Variants in MROH7 observed in about 807,000 individuals in gnomAD.
MROH7 encodes maestro heat like repeat family member 7.
In MROH7, 113 loss-of-function variants were observed where a neutral mutation model predicts 129.2. That is an observed-to-expected ratio of 0.87 (90% CI 0.75 to 1.02). MROH7 has a LOEUF of 1.02. MROH7 is among the 50% of genes least tolerant of loss of function. The pLI, the probability that MROH7 is intolerant of heterozygous loss-of-function variation, is 0.00. For synonymous variants in MROH7, 655 were observed against 667.9 expected, an observed-to-expected ratio of 0.98 and a Z score of 0.30; for missense variants, 1,601 against 1,671.3, an observed-to-expected ratio of 0.96 and a Z score of 0.73.
At chr1:54,646,522 C>T (rs1274602690) in intron 1 of MROH7, among the ~76,000 whole-genome samples, 2 of 152,176 alleles carry the variant, frequency 1.3e-5, no homozygotes. Flanking sequence ...TCACTGCCTT[C>T]TTTCCAGCCA....
intron 1 of MROH7, among the ~76,000 whole-genome samples, chr1:54,644,640 G>C (rs1644435761): frequency 6.6e-6 from 1 of 150,896 alleles, no homozygotes; most frequent in Non-Finnish European, 1.5e-5. Context: ...ACTGTGCCTG[G>C]CCGATTTTTC....
intron 15 of MROH7, among the ~76,000 whole-genome samples, chr1:54,691,802 A>AGTGTGTGTGTGTGTG (rs1379637571): frequency 1.1e-5 from 1 of 90,768 alleles, no homozygotes; most frequent in East Asian, 6.0e-4. Flanking sequence ...AAAAAAAAAA[A>AGTGTGTGTGTGTGTG]AGTGTGTGTG....
chr1:54,695,631 CTTG>C (rs1458160808), intron 17 of MROH7, 141 bp downstream of exon 17: 6 of 711,464 alleles, frequency 8.4e-6, no homozygotes, highest in African/African-American at 1.7e-5. Flanking sequence ...CTATGATGAT[CTTG>C]TTGGTCTCCC....
chr1:54,668,785 T>C (rs1239302853), intron 4 of MROH7, 69 bp from the exon 5 acceptor site: 19 of 1,251,024 alleles, frequency 1.5e-5, no homozygotes, highest in Admixed American at 5.2e-5. Context: ...CAGTGCTGTA[T>C]GGGCAACCCC....
chr1:54,644,530 A>G (rs1422764701), intron 1 of MROH7, among the ~76,000 whole-genome samples: 2 of 152,012 alleles, frequency 1.3e-5, no homozygotes, highest in Non-Finnish European at 2.9e-5. Context: ...TTTAGTAGAG[A>G]TAGGGTTTCA....
In MROH7 at chr1:54,653,850, C is replaced by T; in HGVS notation, c.924C>T (p.Ile308=). The T allele has an allele frequency of 6.2e-7, 1 of 1,614,152 alleles. No homozygotes were observed. Among genetic ancestry groups the T allele is most frequent in the Non-Finnish European group, 8.5e-7 (1 of 1,179,998 alleles). ...VTLIPGSSYG[I]SLHSSTHEPN... is the part of the protein sequence containing the mutation. ...TGATTCCTGGCTCCAGCTATGGTAT[C>T]AGCCTGCACTCCAGCACCCATGAGC... Residue 308 remains isoleucine (I), a synonymous_variant, in exon 3 of 24, where the codon ATC becomes ATT. Coordinates refer to ENST00000421030, the MANE Select transcript of MROH7 (RefSeq NM_001039464.4).
At position 54,670,588 on chromosome 1, in the gene MROH7, C is replaced by T. The variant is rs1644882157; in HGVS notation, c.1469+12C>T. On this transcript the variant is annotated intron_variant, in intron 6 of 23. Transcript: ENST00000421030. ...CTGACCCAGCTGAGGTGTCCATGGC[C>T]CTCTCCCTGTTCCCACAGCCCCTCT... is the stretch of plus-strand genomic sequence containing the variant. 1 of 1,607,868 alleles carries T rather than the reference C, an allele frequency of 6.2e-7. No individual in the cohort carries two copies.
Position 54,682,876 on chromosome 1 carries a change from C to T in MROH7, c.2520+82C>T, listed in dbSNP as rs573998980. Reference sequence around the variant, plus strand: ...TCCCTCCTGCTGAGCTAAGCACACCCGGCCTCGAGTACCGCACTCTGCCAG... The same window carrying T: ...TCCCTCCTGCTGAGCTAAGCACACCTGGCCTCGAGTACCGCACTCTGCCAG... On this transcript the variant is annotated intron_variant, in intron 14 of 23. Coordinates refer to ENST00000421030, the MANE Select transcript of MROH7 (RefSeq NM_001039464.4). The T allele has an allele frequency of 5.7e-5, 86 of 1,497,424 alleles. No homozygotes were observed. The African/African-American group carries it at 8.3e-4, about 14-fold the overall frequency. 92.8% of individuals were successfully genotyped at this position (1,497,424 alleles called of 1,614,324 possible). A position where few individuals can be genotyped will look rare whatever the true frequency, so the allele number is the denominator to read the frequency against.
In MROH7 at chr1:54,670,906, G is replaced by A. The variant is rs777698751; in HGVS notation, c.1576G>A (p.Glu526Lys). 1.3e-5 allele frequency: 21 copies of A among 1,608,258 alleles called. No homozygotes were observed. The East Asian group carries it at 1.3e-4, about 10-fold the overall frequency. Residue 526 changes from glutamate to lysine, a missense_variant, in exon 7 of 24, where the codon GAG becomes AAG. Coordinates refer to ENST00000421030, the MANE Select transcript of MROH7 (RefSeq NM_001039464.4). Reference sequence around the variant, plus strand: ...CGTGCAGGCGATGCAGGAGAAGGACGAGGCCAAGGCTGAGACCATCCAGGT... The same window carrying A: ...CGTGCAGGCGATGCAGGAGAAGGACAAGGCCAAGGCTGAGACCATCCAGGT... Reference protein sequence around the residue: ...PSVQAMQEKDEAKAETIQALY... With the variant: ...PSVQAMQEKDKAKAETIQALY...
In MROH7 at chr1:54,695,431, C is replaced by A. The variant is rs775883799; in HGVS notation, c.2905C>A (p.Pro969Thr). The change falls in exon 17 of 24, where the codon CCG becomes ACG. Residue 969 changes from proline (P) to threonine (T), a missense_variant. By Grantham distance (38) the Pro-to-Thr change is conservative. Coordinates refer to ENST00000421030, the MANE Select transcript of MROH7 (RefSeq NM_001039464.4). ...ELCRILYLLIPLLERGDEKHR... is the reference protein window; with the variant it reads ...ELCRILYLLITLLERGDEKHR... ...GTGCCGCATCCTCTACCTGCTCATC[C>A]CGCTCCTGGAGCGAGGCGACGAGAA... 1.1e-5 allele frequency: 18 copies of A among 1,613,854 alleles called. No homozygotes were observed. The highest frequency in any genetic ancestry group is 1.5e-5 in the Non-Finnish European group (18 of 1,179,882).
At chr1:54,689,768 G>A (rs1645204633) in intron 15 of MROH7, among the ~76,000 whole-genome samples, 1 of 152,238 alleles carries the variant, frequency 6.6e-6, no homozygotes, top group South Asian at 2.1e-4. Context: ...CCAGCACTCT[G>A]GGAGGCTGAG....
intron 8 of MROH7, 123 bp downstream of exon 8, chr1:54,673,309 A>G: frequency 1.4e-6 from 1 of 706,696 alleles, no homozygotes; most frequent in Non-Finnish European, 2.5e-6. Context: ...ATCTTGTGTG[A>G]GTGTTCTGCC....
chr1:54,654,030 G>T lies in MROH7; in HGVS notation c.1104G>T (p.Val368=). 2 of 1,614,222 alleles carry T rather than the reference G, an allele frequency of 1.2e-6. No homozygotes were observed. Among genetic ancestry groups the T allele is most frequent in the African/African-American group, 1.3e-5 (1 of 75,062 alleles). Residue 368 remains valine, a synonymous_variant, in exon 3 of 24, where the codon GTG becomes GTT. Coordinates refer to ENST00000421030, the MANE Select transcript of MROH7 (RefSeq NM_001039464.4). Reference sequence around the variant, plus strand: ...CCAAGGACAACAGCATCCACACTGTGCCCCTGGAGGAGAATCTGGAGAGTT... The same window carrying T: ...CCAAGGACAACAGCATCCACACTGTTCCCCTGGAGGAGAATCTGGAGAGTT... ...DDAKDNSIHT[V]PLEENLESWS...
chr1:54,707,738 A>G (rs952054889), intron 22 of MROH7, among the ~76,000 whole-genome samples: 18 of 152,318 alleles, frequency 1.2e-4, no homozygotes, highest in South Asian at 6.2e-4. Context: ...TGATCTGCCC[A>G]TAGATAGCTC....
intron 1 of MROH7, among the ~76,000 whole-genome samples, chr1:54,642,971 A>G (rs1019364188): frequency 1.3e-5 from 2 of 152,200 alleles, no homozygotes; most frequent in Admixed American, 6.5e-5. Context: ...TGAGATGATG[A>G]CATCTTTCTT....
intron 5 of MROH7, among the ~76,000 whole-genome samples, chr1:54,669,143 C>T (rs1644857325): frequency 6.6e-6 from 1 of 152,166 alleles, no homozygotes; most frequent in Non-Finnish European, 1.5e-5. Context: ...CTGAGCCTCA[C>T]TCTTCTCATC....
At chr1:54,672,433 A>G (rs1644916591) in intron 7 of MROH7, among the ~76,000 whole-genome samples, 1 of 152,088 alleles carries the variant, frequency 6.6e-6, no homozygotes, top group African/African-American at 2.4e-5. Flanking sequence ...ACTCAAACCC[A>G]CTGCCCAGCC....
chr1:54,675,110 G>A (rs1451879238), intron 10 of MROH7, among the ~76,000 whole-genome samples: 1 of 151,990 alleles, frequency 6.6e-6, no homozygotes, highest in Non-Finnish European at 1.5e-5. Context: ...CCAGTAGCTG[G>A]GATTACAGGC....
At chr1:54,668,511 G>T (rs1250392530) in intron 4 of MROH7, among the ~76,000 whole-genome samples, 1 of 152,080 alleles carries the variant, frequency 6.6e-6, no homozygotes, top group Non-Finnish European at 1.5e-5. Flanking sequence ...GTATGTACTG[G>T]GAGACCCATA....
Sources: allele counts gnomAD v4.1 joint callset (sites outside exome capture counted in the v4.1 genomes callset), GRCh38; gene constraint gnomAD v4.1.1; transcripts MANE v1.5; gene names NCBI Gene and HGNC (gene_info 2026-07-23, HGNC 2026-07-21).